PIP5K1B: variants seen among roughly 807,000 people sequenced by gnomAD.
PIP5K1B encodes phosphatidylinositol 4-phosphate 5-kinase type-1 beta.
In PIP5K1B, 42 loss-of-function variants were observed where a neutral mutation model predicts 67.0. That is an observed-to-expected ratio of 0.63 (90% CI 0.49 to 0.81). The LOEUF (loss-of-function observed/expected upper bound fraction) is 0.81. Among genes scored for constraint, PIP5K1B ranks in the 30% least tolerant of loss-of-function variants. The pLI, the probability that PIP5K1B is intolerant of heterozygous loss-of-function variation, is 0.00. For synonymous variants in PIP5K1B, 214 were observed against 231.4 expected (o/e 0.92, Z 0.68); for missense variants, 459 against 646.3 (o/e 0.71, Z 3.14).
At chr9:68,955,119 A>G (rs1267073689) in intron 14 of PIP5K1B, among the ~76,000 whole-genome samples, 1 of 152,242 alleles carries the variant, frequency 6.6e-6, no homozygotes. Context: ...CCTGCAGTAA[A>G]GGAAGAGTGC....
chr9:68,991,337 CA>C, intron 15 of PIP5K1B, 80 bp downstream of exon 15: 1 of 772,734 alleles, frequency 1.3e-6, no homozygotes, highest in South Asian at 1.5e-5. Flanking sequence ...AGAACAAGTT[CA>C]ATAAAACCAG....
At chr9:68,744,760 CT>C (rs1277707639) in intron 2 of PIP5K1B, among the ~76,000 whole-genome samples, 1 of 152,068 alleles carries the variant, frequency 6.6e-6, no homozygotes, top group Non-Finnish European at 1.5e-5. Flanking sequence ...TTTGTGGGTT[CT>C]TTGGAGATAC....
intron 1 of PIP5K1B, among the ~76,000 whole-genome samples, chr9:68,730,053 T>C (rs1828348101): frequency 6.6e-6 from 1 of 152,182 alleles, no homozygotes; most frequent in African/African-American, 2.4e-5. Context: ...AATAGAATAT[T>C]ACTTGCAGAT....
intron 13 of PIP5K1B, among the ~76,000 whole-genome samples, chr9:68,940,017 T>C (rs1037121392): frequency 1.3e-5 from 2 of 152,194 alleles, no homozygotes; most frequent in African/African-American, 4.8e-5. Context: ...CTCGCATAAG[T>C]AATTTCATGG....
chr9:68,761,893 A>G (rs2132391217), intron 2 of PIP5K1B, among the ~76,000 whole-genome samples: 1 of 152,226 alleles, frequency 6.6e-6, no homozygotes, highest in Non-Finnish European at 1.5e-5. Context: ...AGGGGTAAGG[A>G]TGTGGACATC....
At chr9:68,888,451 A>G (rs920349393) in intron 6 of PIP5K1B, among the ~76,000 whole-genome samples, 1 of 152,256 alleles carries the variant, frequency 6.6e-6, no homozygotes, top group African/African-American at 2.4e-5. Context: ...TAACCAAAAT[A>G]GAAATGTCTA....
At chr9:68,728,546 A>G (rs533415674) in intron 1 of PIP5K1B, among the ~76,000 whole-genome samples, 12 of 152,264 alleles carry the variant, frequency 7.9e-5, no homozygotes, top group Admixed American at 5.2e-4. Flanking sequence ...GAAGACCTAA[A>G]TGAAGTAGAG....
In PIP5K1B at chr9:68,983,898, T is replaced by C. The variant is rs551819923; in HGVS notation, c.1503-7242T>C. Among the ~76,000 whole-genome samples, 167 of 152,160 alleles carry C rather than the reference T, an allele frequency of 1.1e-3. 1 individual carries two copies. Among genetic ancestry groups the C allele is most frequent in the African/African-American group, 3.7e-3 (153 of 41,506 alleles). On this transcript the variant is annotated intron_variant, in intron 14 of 15. Coordinates refer to ENST00000265382, the MANE Select transcript of PIP5K1B (RefSeq NM_003558.4). The stretch of plus-strand genomic sequence containing the variant: ...AGACCTCATCTCTACCAAAAAAATT[T>C]TAAAAAGAAACACCAGGCATGGTGG...
intron 5 of PIP5K1B, among the ~76,000 whole-genome samples, chr9:68,870,514 C>T (rs774847035): frequency 5.3e-5 from 8 of 152,144 alleles, no homozygotes; most frequent in East Asian, 1.9e-4. Flanking sequence ...TCTCTAGTTA[C>T]GTAAAGAATT....
At chr9:68,830,161 T>A (rs193063156) in intron 4 of PIP5K1B, among the ~76,000 whole-genome samples, 533 of 151,550 alleles carry the variant, frequency 3.5e-3, no homozygotes, top group Non-Finnish European at 6.4e-3. Flanking sequence ...GCTGTTGTGT[T>A]TTTAAAAATT....
rs558119738 is a variant in PIP5K1B, at chr9:68,822,350, A to G, written c.1-265A>G. The G allele has an allele frequency of 2.1e-5, 6 of 286,980 alleles. No individual in the cohort carries two copies. The South Asian group carries it at 5.5e-4, about 26-fold the overall frequency. The allele number at this position is 286,980 out of a possible 1,614,324, so 17.8% of individuals were successfully genotyped here. A position where few individuals can be genotyped will look rare whatever the true frequency, so the allele number is the denominator to read the frequency against. On this transcript the variant is annotated intron_variant, in intron 3 of 15. Coordinates refer to ENST00000265382, the MANE Select transcript of PIP5K1B (RefSeq NM_003558.4). ...TCTAAAAAAAAAAAGCTTTGTAGAA[A>G]GAAACTTATACACATGTACATGCTT...
intron 8 of PIP5K1B, among the ~76,000 whole-genome samples, chr9:68,896,335 A>C (rs554242393): frequency 7.0e-6 from 1 of 143,802 alleles, no homozygotes; most frequent in Non-Finnish European, 1.5e-5. Context: ...CTAATACCAC[A>C]TGCTTCTCTG....
At chr9:68,862,625 C>G (rs1206968193) in intron 4 of PIP5K1B, among the ~76,000 whole-genome samples, 1 of 151,948 alleles carries the variant, frequency 6.6e-6, no homozygotes, top group Non-Finnish European at 1.5e-5. Context: ...AATCCCATCT[C>G]TACTAAAAAT....
At chr9:68,878,272 G>A (rs1364949450) in intron 6 of PIP5K1B, among the ~76,000 whole-genome samples, 1 of 152,108 alleles carries the variant, frequency 6.6e-6, no homozygotes, top group African/African-American at 2.4e-5. Context: ...GTTTCACACT[G>A]TTGATCCAGT....
chr9:68,754,469 G>A (rs529106714), intron 2 of PIP5K1B, among the ~76,000 whole-genome samples: 3 of 151,918 alleles, frequency 2.0e-5, no homozygotes, highest in South Asian at 2.1e-4. Flanking sequence ...ACGCCCGGCC[G>A]GTTCCATGAT....
chr9:68,877,030 T>C (rs1318654571), intron 6 of PIP5K1B, among the ~76,000 whole-genome samples: 1 of 152,204 alleles, frequency 6.6e-6, no homozygotes, highest in Non-Finnish European at 1.5e-5. Flanking sequence ...AACTATAATA[T>C]CAGTTGTGAC....
chr9:68,894,755 C>G (rs1824993138), intron 8 of PIP5K1B, 117 bp downstream of exon 8: 1 of 931,492 alleles, frequency 1.1e-6, no homozygotes, highest in African/African-American at 1.7e-5. Context: ...ATGTGGAATC[C>G]TATCTTTCCC....
intron 2 of PIP5K1B, among the ~76,000 whole-genome samples, chr9:68,765,992 G>T (rs934846251): frequency 6.6e-6 from 1 of 152,142 alleles, no homozygotes; most frequent in African/African-American, 2.4e-5. Flanking sequence ...TGATAGCATT[G>T]TTTCTAATCT....
At chr9:68,758,069 G>A (rs1184955133) in intron 2 of PIP5K1B, among the ~76,000 whole-genome samples, 5 of 152,144 alleles carry the variant, frequency 3.3e-5, no homozygotes, top group East Asian at 1.9e-4. Context: ...TGTTGGAAAC[G>A]TAACCCACGG....
Sources: gnomAD v4.1 joint callset for allele counts (sites outside exome capture counted in the v4.1 genomes callset) on GRCh38, gnomAD v4.1.1 for gene constraint, MANE v1.5 for transcripts, NCBI Gene and HGNC (gene_info 2026-07-23, HGNC 2026-07-21) for gene names.